Variants in EIPR1 observed in about 807,000 individuals in gnomAD.
EIPR1 encodes EARP complex and GARP complex interacting protein 1.
Under a neutral mutation model 48.1 loss-of-function variants are expected in EIPR1, and 25 were observed. That is an observed-to-expected ratio of 0.52 (90% confidence interval 0.38 to 0.73). The LOEUF (loss-of-function observed/expected upper bound fraction) is 0.73, where lower values mean the gene tolerates loss of function less well. EIPR1 is among the 30% of genes least tolerant of loss of function. The pLI, the probability that EIPR1 is intolerant of heterozygous loss-of-function variation, is 0.00. For synonymous variants in EIPR1, 204 were observed against 201.9 expected (o/e 1.01, Z -0.09); for missense variants, 415 against 506.2 (o/e 0.82, Z 1.73).
At chr2:3,250,731 C>T (rs1195757417) in intron 4 of EIPR1, among the ~76,000 whole-genome samples, 1 of 152,122 alleles carries the variant, frequency 6.6e-6, no homozygotes, top group African/African-American at 2.4e-5. Flanking sequence ...AGCACCCGTC[C>T]CTTGGTGATG....
chr2:3,305,189 A>AGTTCAACCTTCCACTCCCGTCCT (rs1668898172), intron 3 of EIPR1, among the ~76,000 whole-genome samples: 1 of 134,252 alleles, frequency 7.4e-6, no homozygotes, highest in Non-Finnish European at 1.6e-5. Flanking sequence ...AATCCCATCC[A>AGTTCAACCTTCCACTCCCGTCCT]GTTCAACCTT....
intron 4 of EIPR1, among the ~76,000 whole-genome samples, chr2:3,250,315 A>G (rs1039983986): frequency 1.3e-5 from 2 of 152,202 alleles, no homozygotes; most frequent in Admixed American, 1.3e-4. Context: ...TTAACATTTA[A>G]TACCTTTCCT....
At chr2:3,333,301 A>C (rs546264745) in intron 3 of EIPR1, among the ~76,000 whole-genome samples, 1 of 152,222 alleles carries the variant, frequency 6.6e-6, no homozygotes. Flanking sequence ...AAACAGATAA[A>C]ATGTAAACGC....
intron 2 of EIPR1, among the ~76,000 whole-genome samples, chr2:3,341,392 G>A (rs1389769579): frequency 1.3e-5 from 2 of 152,184 alleles, no homozygotes; most frequent in African/African-American, 4.8e-5. Context: ...ACGGGTGCAC[G>A]TGGGTGTGGG....
intron 3 of EIPR1, among the ~76,000 whole-genome samples, chr2:3,303,658 C>T (rs893169386): frequency 1.3e-5 from 2 of 152,220 alleles, no homozygotes; most frequent in Non-Finnish European, 2.9e-5. Context: ...GAAGACTACT[C>T]CAAAGATAAG....
At chr2:3,366,873 T>G (rs1670985992) in intron 1 of EIPR1, among the ~76,000 whole-genome samples, 1 of 151,956 alleles carries the variant, frequency 6.6e-6, no homozygotes, top group African/African-American at 2.4e-5. Flanking sequence ...ACCAACGTGG[T>G]GAAACCCCAT....
At chr2:3,203,830 G>A (rs1665132249) in intron 5 of EIPR1, among the ~76,000 whole-genome samples, 1 of 152,254 alleles carries the variant, frequency 6.6e-6, no homozygotes, top group Admixed American at 6.5e-5. Flanking sequence ...CAGGAGCTGA[G>A]GGCGGCCTCT....
chr2:3,319,422 A>AGCT (rs1669421937), intron 3 of EIPR1: 1 of 174,822 alleles, frequency 5.7e-6, no homozygotes, highest in South Asian at 1.3e-4. Context: ...ACTCGATGGG[A>AGCT]GCTGTCATTG....
rs145710601 is a variant in EIPR1 at position 3,354,356 on chromosome 2, T to C, written c.126+194A>G. ...TCATGCCAAACAGAGGAAGTTTAAA[T>C]TACTGAACACAGTCGATACATATAG... On this transcript the variant is annotated intron_variant, in intron 2 of 8. Transcript: ENST00000382125. Among the ~76,000 whole-genome samples the C allele has an allele frequency of 7.3e-3, 1,114 of 152,354 alleles. 24 individuals are homozygous for C. The highest frequency in any genetic ancestry group is 0.026 in the African/African-American group (1,072 of 41,578).
chr2:3,274,637 T>A lies in EIPR1; in HGVS notation c.260-17182A>T, dbSNP rs566453874. ...CAGAAGAAAGGTCTCAAATTCGAAG[T>A]TAAAAAAAAAAAATTAAGCGAAATA... On this transcript the variant is annotated intron_variant, in intron 3 of 8. Transcript: ENST00000382125. Among the ~76,000 whole-genome samples, 13 of 151,104 alleles carry A rather than the reference T, an allele frequency of 8.6e-5. No homozygotes were observed. The East Asian group carries it at 2.5e-3, about 29-fold the overall frequency.
intron 4 of EIPR1, among the ~76,000 whole-genome samples, chr2:3,235,003 A>G (rs903401141): frequency 8.5e-5 from 13 of 152,236 alleles, no homozygotes; most frequent in African/African-American, 3.1e-4. Flanking sequence ...TCTCTTTCAT[A>G]AAAGGTGAGA....
At position 3,221,056 on chromosome 2, in the gene EIPR1, G is replaced by A. The variant is rs1229339569; in HGVS notation, c.417-6808C>T. 8.9e-3 allele frequency among the ~76,000 whole-genome samples: 155 copies of A among 17,354 alleles called. 1 individual carries two copies. The highest frequency in any genetic ancestry group is 0.025 in the African/African-American group (148 of 5,856). 11.4% of individuals were successfully genotyped at this position (17,354 alleles called of 152,430 possible). A position where few individuals can be genotyped will look rare whatever the true frequency, so the allele number is the denominator to read the frequency against. ...CACTCTAGAACACTCACAGTGAGTC[G>A]GGAACACACGCACACAATGGCCGAG... On this transcript the variant is annotated intron_variant, in intron 4 of 8. Coordinates refer to ENST00000382125, the MANE Select transcript of EIPR1 (RefSeq NM_003310.5).
intron 4 of EIPR1, among the ~76,000 whole-genome samples, chr2:3,222,590 G>A (rs1665931081): frequency 6.6e-6 from 1 of 152,212 alleles, no homozygotes; most frequent in Non-Finnish European, 1.5e-5. Context: ...GGGTTCTGAA[G>A]ATCACAGGGA....
intron 1 of EIPR1, among the ~76,000 whole-genome samples, chr2:3,368,804 A>T (rs1206193426): frequency 1.3e-5 from 2 of 152,228 alleles, no homozygotes; most frequent in African/African-American, 4.8e-5. Flanking sequence ...ATATCATTTG[A>T]AATTTCATGC....
At position 3,376,477 on chromosome 2, in the gene EIPR1, G is replaced by T. The variant is rs188100358; in HGVS notation, c.42+1171C>A. Among the ~76,000 whole-genome samples, 1,022 of 152,266 alleles carry T rather than the reference G, an allele frequency of 6.7e-3. 9 individuals carry two copies. Among genetic ancestry groups the T allele is most frequent in the African/African-American group, 0.023 (960 of 41,544 alleles). On this transcript the variant is annotated intron_variant, in intron 1 of 8. Coordinates refer to ENST00000382125, the MANE Select transcript of EIPR1 (RefSeq NM_003310.5). ...GGAGGCTGAGGCAGGCAGATCACAA[G>T]GTCAGGAGTTCAAAACCAGCCAGGC... is the stretch of plus-strand genomic sequence containing the variant.
At chr2:3,237,480 AAT>A (rs1351253672) in intron 4 of EIPR1, among the ~76,000 whole-genome samples, 1 of 152,184 alleles carries the variant, frequency 6.6e-6, no homozygotes, top group Admixed American at 6.5e-5. Context: ...TACTGCATCT[AAT>A]TTGCAAGTTA....
chr2:3,355,454 G>A (rs1670699040), intron 1 of EIPR1, among the ~76,000 whole-genome samples: 1 of 152,222 alleles, frequency 6.6e-6, no homozygotes, highest in Non-Finnish European at 1.5e-5. Flanking sequence ...TCCTCTGGAG[G>A]AAGATAACAT....
At chr2:3,361,909 C>T (rs1195542603) in intron 1 of EIPR1, among the ~76,000 whole-genome samples, 1 of 152,254 alleles carries the variant, frequency 6.6e-6, no homozygotes, top group Non-Finnish European at 1.5e-5. Flanking sequence ...CCTTCCCAAT[C>T]GCCTCCTGCT....
chr2:3,267,543 T>C (rs568984518), intron 3 of EIPR1, among the ~76,000 whole-genome samples: 1 of 152,366 alleles, frequency 6.6e-6, no homozygotes, highest in Admixed American at 6.5e-5. Flanking sequence ...AGCATGTCTA[T>C]ACAAGAATGC....
Sources: allele counts gnomAD v4.1 joint callset (sites outside exome capture counted in the v4.1 genomes callset), GRCh38; gene constraint gnomAD v4.1.1; transcripts MANE v1.5; gene names NCBI Gene and HGNC (gene_info 2026-07-23, HGNC 2026-07-21).